LRRC4C: variants seen among roughly 807,000 people sequenced by gnomAD.
LRRC4C encodes the protein leucine rich repeat containing 4C, also known as leucine-rich repeat-containing protein 4C.
In LRRC4C, 5 loss-of-function variants were observed where a neutral mutation model predicts 33.6. The ratio of observed to expected loss-of-function variants is 0.15; its 90% CI spans 0.08 to 0.31. The LOEUF (loss-of-function observed/expected upper bound fraction) is 0.31, where lower values mean the gene tolerates loss of function less well. Among genes scored for constraint, LRRC4C ranks in the 10% least tolerant of loss-of-function variants. LRRC4C has a pLI of 1.00. For synonymous variants in LRRC4C, 329 were observed against 302.0 expected, an observed-to-expected ratio of 1.09 and a Z score of -0.93; for missense variants, 560 against 796.7, an observed-to-expected ratio of 0.70 and a Z score of 3.58.
intron 1 of LRRC4C, among the ~76,000 whole-genome samples, chr11:41,293,467 G>T (rs1335693509): frequency 6.6e-6 from 1 of 152,068 alleles, no homozygotes; most frequent in Non-Finnish European, 1.5e-5. Flanking sequence ...CAAATGAGAA[G>T]ACAATTTTCA....
intron 1 of LRRC4C, among the ~76,000 whole-genome samples, chr11:41,440,046 C>T (rs1044861308): frequency 3.9e-5 from 6 of 152,004 alleles, no homozygotes; most frequent in Admixed American, 6.6e-5. Context: ...CAGCCTTAGT[C>T]GTAAATTCTT....
At chr11:40,291,880 T>C (rs956767304) in intron 4 of LRRC4C, among the ~76,000 whole-genome samples, 5 of 151,474 alleles carry the variant, frequency 3.3e-5, no homozygotes, top group African/African-American at 1.2e-4. Context: ...CATTCTGGAG[T>C]GTCAGTCACA....
intron 2 of LRRC4C, among the ~76,000 whole-genome samples, chr11:40,840,418 T>C (rs192376491): frequency 1.1e-3 from 175 of 152,306 alleles, no homozygotes; most frequent in African/African-American, 4.0e-3. Flanking sequence ...ACTGATTTTT[T>C]AGTGCTCCTG....
chr11:41,152,477 A>G (rs1363664494), intron 1 of LRRC4C, among the ~76,000 whole-genome samples: 1 of 152,206 alleles, frequency 6.6e-6, no homozygotes, highest in East Asian at 1.9e-4. Flanking sequence ...AAGAGATTCA[A>G]CTATTGAATC....
At chr11:41,014,193 T>C (rs1278410229) in intron 1 of LRRC4C, among the ~76,000 whole-genome samples, 1 of 152,132 alleles carries the variant, frequency 6.6e-6, no homozygotes, top group Non-Finnish European at 1.5e-5. Flanking sequence ...GATTCAATCT[T>C]CTCCCCAAAG....
intron 3 of LRRC4C, among the ~76,000 whole-genome samples, chr11:40,332,767 T>C (rs1590343697): frequency 1.3e-5 from 2 of 152,336 alleles, no homozygotes; most frequent in Admixed American, 1.3e-4. Context: ...CTTATCCATG[T>C]CAATACTTTC....
intron 3 of LRRC4C, among the ~76,000 whole-genome samples, chr11:40,488,622 C>G (rs1257216999): frequency 1.3e-5 from 2 of 152,066 alleles, no homozygotes; most frequent in Admixed American, 1.3e-4. Context: ...ACTGAATCTT[C>G]TCTTTCAGCA....
chr11:40,634,733 T>G (rs1963803772), intron 3 of LRRC4C, among the ~76,000 whole-genome samples: 1 of 146,086 alleles, frequency 6.8e-6, no homozygotes, highest in Admixed American at 6.7e-5. Flanking sequence ...AAAAAAAAAA[T>G]TAGCCAGACA....
chr11:40,276,546 C>T (rs1441147408), intron 4 of LRRC4C, among the ~76,000 whole-genome samples: 4 of 152,028 alleles, frequency 2.6e-5, no homozygotes, highest in Non-Finnish European at 5.9e-5. Flanking sequence ...AGTGTATTGC[C>T]TCAATATGCA....
intron 2 of LRRC4C, among the ~76,000 whole-genome samples, chr11:40,775,500 A>G (rs1393966081): frequency 1.3e-5 from 2 of 151,812 alleles, no homozygotes; most frequent in Non-Finnish European, 2.9e-5. Flanking sequence ...TGTGAAAGTT[A>G]GATGCATTTT....
At chr11:40,427,216 G>A (rs1950749542) in intron 3 of LRRC4C, among the ~76,000 whole-genome samples, 1 of 152,124 alleles carries the variant, frequency 6.6e-6, no homozygotes, top group South Asian at 2.1e-4. Context: ...AAAAAATTAA[G>A]TTGAGGACCG....
intron 2 of LRRC4C, among the ~76,000 whole-genome samples, chr11:40,902,570 A>G (rs144263601): frequency 6.6e-6 from 1 of 152,266 alleles, no homozygotes; most frequent in Non-Finnish European, 1.5e-5. Flanking sequence ...GATAGGCCAA[A>G]AGCTAGACCT....
intron 2 of LRRC4C, among the ~76,000 whole-genome samples, chr11:40,789,563 T>C (rs1397121498): frequency 1.3e-5 from 2 of 152,128 alleles, no homozygotes; most frequent in Non-Finnish European, 2.9e-5. Context: ...GTAAGGTTGC[T>C]CTACTCTTCT....
chr11:40,257,246 C>T (rs1470156070), intron 4 of LRRC4C, among the ~76,000 whole-genome samples: 2 of 146,716 alleles, frequency 1.4e-5, no homozygotes, highest in African/African-American at 2.5e-5. Context: ...ATTCTATTGG[C>T]TGAGTAGAGA....
At chr11:41,403,540 C>A (rs1954105103) in intron 1 of LRRC4C, among the ~76,000 whole-genome samples, 1 of 151,976 alleles carries the variant, frequency 6.6e-6, no homozygotes, top group South Asian at 2.1e-4. Context: ...CACAAGGGGT[C>A]CCAACAAAAG....
intron 3 of LRRC4C, among the ~76,000 whole-genome samples, chr11:40,551,419 G>T (rs1957123679): frequency 6.6e-6 from 1 of 152,086 alleles, no homozygotes; most frequent in Non-Finnish European, 1.5e-5. Flanking sequence ...AAGGAGAATA[G>T]AAAAAGTCAT....
intron 2 of LRRC4C, among the ~76,000 whole-genome samples, chr11:40,898,220 G>A (rs1332724522): frequency 6.6e-6 from 1 of 151,696 alleles, no homozygotes; most frequent in Non-Finnish European, 1.5e-5. Context: ...CAGGCGTAGT[G>A]ATGTATGCCT....
In LRRC4C at chr11:40,146,986, G is replaced by T. The variant is rs1445363192; in HGVS notation, c.-95-6133C>A. 3.3e-5 allele frequency among the ~76,000 whole-genome samples: 5 copies of T among 152,166 alleles called. 1 individual carries two copies. In the East Asian group the frequency reaches 5.8e-4, roughly 18 times the overall value. ...CAAACTTAAACTTTACTCAAAGTGG[G>T]CCCTTTTGGGAAGGACCTAGTCTCC... On this transcript the variant is annotated intron_variant, in intron 5 of 6. Coordinates refer to ENST00000528697, the MANE Select transcript of LRRC4C (RefSeq NM_001258419.2).
intron 2 of LRRC4C, among the ~76,000 whole-genome samples, chr11:40,669,405 A>G (rs1012553486): frequency 2.0e-5 from 3 of 152,204 alleles, no homozygotes; most frequent in African/African-American, 7.2e-5. Flanking sequence ...CTGCTTTTAG[A>G]TTTCAGGCCA....
Sources: allele counts gnomAD v4.1 joint callset (sites outside exome capture counted in the v4.1 genomes callset), GRCh38; gene constraint gnomAD v4.1.1; transcripts MANE v1.5; gene names NCBI Gene and HGNC (gene_info 2026-07-23, HGNC 2026-07-21).